PI4KA: variants seen among roughly 807,000 people sequenced by gnomAD.
PI4KA encodes the protein phosphatidylinositol 4-kinase alpha.
A neutral mutation model predicts 271.4 loss-of-function variants in PI4KA; 122 were observed. The ratio of observed to expected loss-of-function variants is 0.45; its 90% CI spans 0.39 to 0.52. The LOEUF is 0.52. Ranked by LOEUF, PI4KA falls within the 20% of genes least tolerant of loss-of-function variation. The pLI, the probability that PI4KA is intolerant of heterozygous loss-of-function variation, is 0.00. For missense variants in PI4KA, 1,969 were observed against 2,769.1 expected, an observed-to-expected ratio of 0.71 and a Z score of 6.48; for synonymous variants, 1,041 against 1,078.8, an observed-to-expected ratio of 0.96 and a Z score of 0.69.
intron 1 of PI4KA, among the ~76,000 whole-genome samples, chr22:20,852,141 A>G (rs1927062147): frequency 6.6e-6 from 1 of 152,186 alleles, no homozygotes; most frequent in Non-Finnish European, 1.5e-5. Context: ...AAATAAATAA[A>G]TAAACAAATA....
At chr22:20,721,449 G>C in intron 42 of PI4KA, 31 bp from the exon 43 acceptor site, 1 of 1,610,714 alleles carries the variant, frequency 6.2e-7, no homozygotes, top group Non-Finnish European at 8.5e-7. Flanking sequence ...TGTCAGCCAG[G>C]CTCGGCCCTC....
rs1929614784 is a variant in PI4KA, at chr22:20,742,736, G to A, written c.3485C>T (p.Thr1162Ile). Residue 1162 changes from threonine to isoleucine, a missense_variant, in exon 31 of 55, where the codon ACC (threonine) becomes ATC (isoleucine). Physicochemically the swap from Thr to Ile is moderately conservative, Grantham distance 89. Transcript: ENST00000255882. ...EVYGMIRFSG[T>I]TGQMSDLNKM... Reference sequence around the variant, plus strand: ...GTTCAGGTCAGACATCTGGCCTGTGGTGCCTGAGAACCGAATCATTCCATA... The same window carrying A: ...GTTCAGGTCAGACATCTGGCCTGTGATGCCTGAGAACCGAATCATTCCATA... 1 of 1,613,954 alleles carries A rather than the reference G, an allele frequency of 6.2e-7. No individual in the cohort carries two copies. Among genetic ancestry groups the A allele is most frequent in the Non-Finnish European group, 8.5e-7 (1 of 1,179,968 alleles).
At position 20,773,576 on chromosome 22, in the gene PI4KA, A is replaced by G. The variant is rs938182733; in HGVS notation, c.2329-7883T>C. Among the ~76,000 whole-genome samples the G allele has an allele frequency of 3.3e-5, 5 of 152,176 alleles. No individual in the cohort carries two copies. In the South Asian group the frequency reaches 1.0e-3, roughly 32 times the overall value. ...AACACAGCAACCCTTGACTGAAGAA[A>G]GGTCCATGCCACAATCCCCTTATTC... On this transcript the variant is annotated intron_variant, in intron 19 of 54. Coordinates refer to ENST00000255882, the MANE Select transcript of PI4KA (RefSeq NM_058004.4).
chr22:20,807,104 T>C (rs536956684), intron 10 of PI4KA, among the ~76,000 whole-genome samples: 5 of 152,214 alleles, frequency 3.3e-5, no homozygotes, highest in Non-Finnish European at 7.3e-5. Context: ...CAATATAACA[T>C]GCACATTTTA....
At chr22:20,780,514 T>A (rs1403762784) in intron 19 of PI4KA, among the ~76,000 whole-genome samples, 2 of 152,140 alleles carry the variant, frequency 1.3e-5, no homozygotes, top group Admixed American at 1.3e-4. Context: ...ACGCCTGTAA[T>A]CCCAGCACTT....
At chr22:20,780,366 G>A (rs1933674625) in intron 19 of PI4KA, among the ~76,000 whole-genome samples, 1 of 152,224 alleles carries the variant, frequency 6.6e-6, no homozygotes, top group African/African-American at 2.4e-5. Flanking sequence ...TGAAGTGACA[G>A]TAGCATCTGA....
intron 4 of PI4KA, 110 bp from the exon 5 acceptor site, chr22:20,820,721 A>G: frequency 2.7e-6 from 2 of 740,786 alleles, no homozygotes; most frequent in Non-Finnish European, 4.6e-6. Flanking sequence ...AACCAACCCC[A>G]TATATGATAC....
intron 2 of PI4KA, among the ~76,000 whole-genome samples, chr22:20,836,968 T>C (rs1311723922): frequency 1.3e-5 from 2 of 152,202 alleles, no homozygotes; most frequent in African/African-American, 4.8e-5. Context: ...GTAATCCACA[T>C]TTGAACAACA....
chr22:20,824,498 T>C, intron 3 of PI4KA, 84 bp from the exon 4 acceptor site: 1 of 926,582 alleles, frequency 1.1e-6, no homozygotes, highest in Admixed American at 2.3e-5. Flanking sequence ...ATATGTTCCC[T>C]CTCACCATGA....
At chr22:20,754,658 A>T (rs563581555) in intron 23 of PI4KA, among the ~76,000 whole-genome samples, 230 of 152,234 alleles carry the variant, frequency 1.5e-3, no homozygotes, top group Non-Finnish European at 2.4e-3. Context: ...TCTACTTTTT[A>T]AAAAATGTTG....
intron 1 of PI4KA, among the ~76,000 whole-genome samples, chr22:20,843,054 C>T (rs1285488246): frequency 2.7e-5 from 4 of 148,552 alleles, no homozygotes; most frequent in East Asian, 3.9e-4. Flanking sequence ...GCCGAGACTG[C>T]GCCACTGCAC....
At chr22:20,788,590 T>C (rs1380018985) in intron 19 of PI4KA, among the ~76,000 whole-genome samples, 1 of 152,210 alleles carries the variant, frequency 6.6e-6, no homozygotes, top group Non-Finnish European at 1.5e-5. Flanking sequence ...CTTCCTGACT[T>C]CCCACACTGG....
intron 3 of PI4KA, among the ~76,000 whole-genome samples, chr22:20,828,746 G>A (rs1373705711): frequency 6.6e-6 from 1 of 152,052 alleles, no homozygotes; most frequent in East Asian, 1.9e-4. Context: ...GGAGAGACAG[G>A]ATTTCACCAT....
chr22:20,816,688 C>T (rs765724930), intron 7 of PI4KA, among the ~76,000 whole-genome samples: 9 of 152,210 alleles, frequency 5.9e-5, no homozygotes, highest in Non-Finnish European at 1.3e-4. Flanking sequence ...TCAGAAGGCA[C>T]AGGGTCTGCT....
chr22:20,776,025 G>T (rs1933243532), intron 19 of PI4KA, among the ~76,000 whole-genome samples: 1 of 152,114 alleles, frequency 6.6e-6, no homozygotes, highest in Non-Finnish European at 1.5e-5. Context: ...ACATACATTA[G>T]AAATCATTTC....
At chr22:20,782,443 G>A (rs953909869) in intron 19 of PI4KA, among the ~76,000 whole-genome samples, 8 of 152,164 alleles carry the variant, frequency 5.3e-5, no homozygotes, top group African/African-American at 1.9e-4. Context: ...CTTCTCAAAG[G>A]GGACGAGTGT....
At chr22:20,742,456 G>T in intron 31 of PI4KA, 101 bp from the exon 32 acceptor site, 1 of 1,560,306 alleles carries the variant, frequency 6.4e-7, no homozygotes, top group Non-Finnish European at 8.7e-7. Context: ...GCCAGTGATG[G>T]CCTTTTATTG....
chr22:20,735,654 G>T (rs1179363241), intron 32 of PI4KA, among the ~76,000 whole-genome samples: 1 of 152,176 alleles, frequency 6.6e-6, no homozygotes, highest in African/African-American at 2.4e-5. Context: ...CCTGCTGGGA[G>T]GCACAGAAGC....
At chr22:20,763,912 A>C (rs1284817869) in intron 22 of PI4KA, among the ~76,000 whole-genome samples, 3 of 152,166 alleles carry the variant, frequency 2.0e-5, no homozygotes, top group Non-Finnish European at 4.4e-5. Context: ...CATGCAACCA[A>C]AGCACTCTGC....
Sources: allele counts gnomAD v4.1 joint callset (sites outside exome capture counted in the v4.1 genomes callset), GRCh38; gene constraint gnomAD v4.1.1; transcripts MANE v1.5; gene names NCBI Gene and HGNC (gene_info 2026-07-23, HGNC 2026-07-21).